PPFIBP2: variants seen among roughly 807,000 people sequenced by gnomAD.
PPFIBP2 encodes the protein liprin-beta-2.
A neutral mutation model predicts 118.3 loss-of-function variants in PPFIBP2; 118 were observed. That is an observed-to-expected ratio of 1.00 (90% confidence interval 0.86 to 1.16). The LOEUF (loss-of-function observed/expected upper bound fraction) is 1.16, where lower values mean the gene tolerates loss of function less well. Among genes scored for constraint, PPFIBP2 ranks in the 50% most tolerant of loss-of-function variants. PPFIBP2 has a pLI of 0.00. For synonymous variants in PPFIBP2, 414 were observed against 397.4 expected, an observed-to-expected ratio of 1.04 and a Z score of -0.50; for missense variants, 1,195 against 1,073.1, an observed-to-expected ratio of 1.11 and a Z score of -1.59.
chr11:7,562,363 A>G (rs1406148386), intron 2 of PPFIBP2, among the ~76,000 whole-genome samples: 1 of 152,156 alleles, frequency 6.6e-6, no homozygotes, highest in African/African-American at 2.4e-5. Flanking sequence ...TTCCATAGGG[A>G]TGATTGAGTG....
Position 7,642,331 on chromosome 11 carries a change from T to C in PPFIBP2, c.1551T>C (p.Thr517=). The part of the protein sequence containing the change: ...IRRTQSGNFY[T]DTLGMAEFRR... Reference sequence around the variant, plus strand: ...GAACTCAGTCAGGAAATTTCTACACTGACACGCTGGGGATGGCAGAGTTTC... The same window carrying C: ...GAACTCAGTCAGGAAATTTCTACACCGACACGCTGGGGATGGCAGAGTTTC... Residue 517 remains threonine (T), a synonymous_variant, in exon 17 of 24, where the codon ACT becomes ACC. Coordinates refer to ENST00000299492, the MANE Select transcript of PPFIBP2 (RefSeq NM_003621.5). 1.2e-6 allele frequency: 2 copies of C among 1,614,118 alleles called. No homozygotes were observed. Among genetic ancestry groups the C allele is most frequent in the South Asian group, 2.2e-5 (2 of 91,078 alleles).
intron 13 of PPFIBP2, among the ~76,000 whole-genome samples, chr11:7,634,945 T>A (rs2135805804): frequency 6.6e-6 from 1 of 152,260 alleles, no homozygotes; most frequent in South Asian, 2.1e-4. Context: ...ATCGTATAGA[T>A]TTTTTTAATG....
chr11:7,649,589 G>A lies in PPFIBP2; in HGVS notation c.2056G>A (p.Ala686Thr), dbSNP rs1590809205. Residue 686 changes from alanine to threonine, a missense_variant, in exon 21 of 24, where the codon GCC (alanine) becomes ACC (threonine). Physicochemically the swap from Ala to Thr is moderately conservative, Grantham distance 58. Coordinates refer to ENST00000299492, the MANE Select transcript of PPFIBP2 (RefSeq NM_003621.5). ...ACTACATCATCTCAGCATCAAATGT[G>A]CCATTCACGTGCTGCATGTCAACAA... ...SQLHHLSIKC[A>T]IHVLHVNKFN... The A allele has an allele frequency of 6.2e-7, 1 of 1,614,200 alleles. No homozygotes were observed. The highest frequency in any genetic ancestry group is 8.5e-7 in the Non-Finnish European group (1 of 1,180,034).
chr11:7,520,847 C>A (rs1849695436), intron 1 of PPFIBP2, among the ~76,000 whole-genome samples: 1 of 152,204 alleles, frequency 6.6e-6, no homozygotes, highest in Non-Finnish European at 1.5e-5. Context: ...ACCTATGTGT[C>A]TCTGTCTTCA....
chr11:7,602,324 G>A (rs1435403269), intron 5 of PPFIBP2, among the ~76,000 whole-genome samples: 4 of 152,134 alleles, frequency 2.6e-5, no homozygotes, highest in East Asian at 3.9e-4. Flanking sequence ...ATGGACCAGC[G>A]ATGTTCTTGT....
chr11:7,596,678 C>T (rs566140050), intron 4 of PPFIBP2, among the ~76,000 whole-genome samples: 1 of 152,152 alleles, frequency 6.6e-6, no homozygotes, highest in Non-Finnish European at 1.5e-5. Flanking sequence ...GGCAACAACT[C>T]TAACCAAAAA....
At position 7,625,876 on chromosome 11, in the gene PPFIBP2, A is replaced by G. The variant is rs1192834293; in HGVS notation, c.811A>G (p.Ser271Gly). 3 of 1,614,156 alleles carry G rather than the reference A, an allele frequency of 1.9e-6. No homozygotes were observed. The highest frequency in any genetic ancestry group is 1.7e-5 in the Admixed American group (1 of 60,020). ...CCGGACAGCAGCTCTCCACAGTGAG[A>G]GTCACACAGAGAGAGGTGACTAGCT... ...LSRTAALHSE[S>G]HTERDQEIQR... Residue 271 changes from serine (S) to glycine (G), a missense_variant, in exon 8 of 24, where the codon AGT becomes GGT. Physicochemically the swap from Ser to Gly is moderately conservative, Grantham distance 56. Coordinates refer to ENST00000299492, the MANE Select transcript of PPFIBP2 (RefSeq NM_003621.5).
chr11:7,594,468 T>A (rs1297479060), intron 4 of PPFIBP2, among the ~76,000 whole-genome samples: 1 of 152,268 alleles, frequency 6.6e-6, no homozygotes, highest in Non-Finnish European at 1.5e-5. Flanking sequence ...ATTCCCATTC[T>A]TGTGGATCTT....
intron 23 of PPFIBP2, among the ~76,000 whole-genome samples, chr11:7,652,149 G>A (rs576107165): frequency 7.2e-5 from 11 of 152,376 alleles, no homozygotes; most frequent in Middle Eastern, 3.4e-3. Context: ...ACCTTGCAGA[G>A]CGGAAGCGCT....
chr11:7,662,259 G>T, the PPFIBP2 span, among the ~76,000 whole-genome samples: 1 of 152,146 alleles, frequency 6.6e-6, no homozygotes, highest in Non-Finnish European at 1.5e-5. Flanking sequence ...TCTTTACATT[G>T]TGGCATGATT....
At chr11:7,639,976 T>TGGTG (rs1418412339) in intron 15 of PPFIBP2, 106 bp downstream of exon 15, 33 of 1,459,952 alleles carry the variant, frequency 2.3e-5, no homozygotes, top group Non-Finnish European at 2.8e-5. Flanking sequence ...AATTGGAGAA[T>TGGTG]GGTGGGGTGG....
At chr11:7,561,213 C>T (rs994854625) in intron 2 of PPFIBP2, among the ~76,000 whole-genome samples, 1 of 152,124 alleles carries the variant, frequency 6.6e-6, no homozygotes, top group African/African-American at 2.4e-5. Context: ...TTACAGGGGC[C>T]TGCCACCATG....
At chr11:7,635,403 C>T in intron 13 of PPFIBP2, 149 bp from the exon 14 acceptor site, 1 of 751,138 alleles carries the variant, frequency 1.3e-6, no homozygotes, top group Non-Finnish European at 2.3e-6. Context: ...CTTTCCTGCC[C>T]TGGATGGTGA....
chr11:7,639,720 A>G lies in PPFIBP2; in HGVS notation c.1237-12A>G. 1 of 1,613,734 alleles carries G rather than the reference A, an allele frequency of 6.2e-7. No homozygotes were observed. Among genetic ancestry groups the G allele is most frequent in the Non-Finnish European group, 8.5e-7 (1 of 1,179,868 alleles). Reference sequence around the variant, plus strand: ...AAGTCGGTATCTCTCTCTTTCTCTCACCTTCCAATAGGACAGCCCTTTCTT... The same window carrying G: ...AAGTCGGTATCTCTCTCTTTCTCTCGCCTTCCAATAGGACAGCCCTTTCTT... On this transcript the variant is annotated splice_polypyrimidine_tract_variant and intron_variant, in intron 14 of 23. Transcript: ENST00000299492.
At chr11:7,591,227 C>G (rs1358661263) in intron 3 of PPFIBP2, among the ~76,000 whole-genome samples, 1 of 152,008 alleles carries the variant, frequency 6.6e-6, no homozygotes, top group Admixed American at 6.6e-5. Context: ...GGTACAGTGG[C>G]TTGCTGGAGT....
intron 18 of PPFIBP2, 131 bp downstream of exon 18, chr11:7,648,668 C>T (rs1853504781): frequency 6.8e-7 from 1 of 1,460,296 alleles, no homozygotes; most frequent in African/African-American, 1.4e-5. Context: ...TCTGTAGCTG[C>T]AGGTTGGCAT....
intron 9 of PPFIBP2, among the ~76,000 whole-genome samples, chr11:7,628,812 A>G (rs1273010183): frequency 6.6e-6 from 1 of 152,208 alleles, no homozygotes; most frequent in Non-Finnish European, 1.5e-5. Flanking sequence ...CTATAAATAA[A>G]GAGTGCCTGG....
At chr11:7,618,328 T>A (rs1471599257) in intron 6 of PPFIBP2, among the ~76,000 whole-genome samples, 1 of 152,206 alleles carries the variant, frequency 6.6e-6, no homozygotes, top group Non-Finnish European at 1.5e-5. Context: ...GTGTGTGTAC[T>A]AATGTTGGTA....
At chr11:7,623,832 A>T (rs1849641785) in intron 7 of PPFIBP2, among the ~76,000 whole-genome samples, 1 of 152,230 alleles carries the variant, frequency 6.6e-6, no homozygotes, top group African/African-American at 2.4e-5. Context: ...GTAGAAATGG[A>T]GGTTGAGAGT....
Sources: allele counts gnomAD v4.1 joint callset (sites outside exome capture counted in the v4.1 genomes callset), GRCh38; gene constraint gnomAD v4.1.1; transcripts MANE v1.5; gene names NCBI Gene and HGNC (gene_info 2026-07-23, HGNC 2026-07-21).